Variants in PPP2R5C observed in about 807,000 individuals in gnomAD.
PPP2R5C encodes the protein protein phosphatase 2 regulatory subunit B'gamma.
A neutral mutation model predicts 68.9 loss-of-function variants in PPP2R5C; 7 were observed. The observed-to-expected ratio is 0.10, with a 90% CI of 0.06 to 0.19. The LOEUF is 0.19. Ranked by LOEUF, PPP2R5C falls within the 10% of genes least tolerant of loss-of-function variation. PPP2R5C has a pLI of 1.00. For synonymous variants in PPP2R5C, 210 were observed against 222.2 expected, an observed-to-expected ratio of 0.95 and a Z score of 0.49; for missense variants, 348 against 641.3, an observed-to-expected ratio of 0.54 and a Z score of 4.94.
At chr14:101,885,020 C>T (rs1253174821) in intron 5 of PPP2R5C, among the ~76,000 whole-genome samples, 3 of 152,256 alleles carry the variant, frequency 2.0e-5, no homozygotes, top group African/African-American at 7.2e-5. Flanking sequence ...GCCTCTAAGG[C>T]ATCTGACTCC....
At chr14:101,869,071 C>T (rs1052019031) in intron 2 of PPP2R5C, among the ~76,000 whole-genome samples, 8 of 152,226 alleles carry the variant, frequency 5.3e-5, no homozygotes, top group Admixed American at 1.3e-4. Context: ...CCTCCAGAAA[C>T]ATGGCTTTAT....
intron 2 of PPP2R5C, among the ~76,000 whole-genome samples, chr14:101,775,555 G>C (rs546156730): frequency 1.3e-5 from 2 of 152,270 alleles, no homozygotes; most frequent in East Asian, 3.9e-4. Flanking sequence ...TTGTCCCTGA[G>C]CGTGAGGGAC....
chr14:101,762,847 T>G (rs989494658), intron 1 of PPP2R5C, 58 bp from the exon 2 acceptor site: 67 of 1,412,218 alleles, frequency 4.7e-5, no homozygotes, highest in Non-Finnish European at 6.3e-5. Context: ...TTGGCTTATC[T>G]GATGTTTACC....
At chr14:101,821,733 A>T (rs962709444) in intron 1 of PPP2R5C, among the ~76,000 whole-genome samples, 4 of 151,928 alleles carry the variant, frequency 2.6e-5, no homozygotes, top group African/African-American at 9.7e-5. Context: ...TTTTCTGTGA[A>T]TTTGGCTTAA....
intron 3 of PPP2R5C, among the ~76,000 whole-genome samples, chr14:101,802,593 A>C (rs1018470020): frequency 1.3e-5 from 2 of 152,128 alleles, no homozygotes; most frequent in Non-Finnish European, 2.9e-5. Context: ...ATGATACCAA[A>C]AGCTCAGGCG....
At chr14:101,821,016 G>A (rs563824963) in intron 1 of PPP2R5C, 3 of 151,440 alleles carry the variant, frequency 2.0e-5, no homozygotes, top group Non-Finnish European at 2.9e-5. Flanking sequence ...AGTTTTTCTC[G>A]AATGGGCTGG....
In PPP2R5C at chr14:101,906,328, A is replaced by C. The variant is rs928016958; in HGVS notation, c.1024-74A>C. On this transcript the variant is annotated intron_variant, in intron 9 of 13. Transcript: ENST00000334743. The surrounding 1 kb of genome is among the most constrained non-coding windows in gnomAD (Gnocchi z 4.0). Reference sequence around the variant, plus strand: ...CAAGGTAGTTCATTACCCGACTCACAGGTTTAACAGCAAGGACAGCCACCT... The same window carrying C: ...CAAGGTAGTTCATTACCCGACTCACCGGTTTAACAGCAAGGACAGCCACCT... 2 of 1,464,600 alleles carry C rather than the reference A, an allele frequency of 1.4e-6. No homozygotes were observed. Among genetic ancestry groups the C allele is most frequent in the Admixed American group, 4.9e-5 (2 of 40,424 alleles). 90.7% of individuals were successfully genotyped at this position (1,464,600 alleles called of 1,614,324 possible). A position where few individuals can be genotyped will look rare whatever the true frequency, so the allele number is the denominator to read the frequency against.
At chr14:101,841,349 AGTG>A (rs1483382315) in intron 1 of PPP2R5C, among the ~76,000 whole-genome samples, 1 of 152,200 alleles carries the variant, frequency 6.6e-6, no homozygotes, top group East Asian at 1.9e-4. Flanking sequence ...CTGTGCCTTG[AGTG>A]TTTTTAGTTT....
intron 1 of PPP2R5C, chr14:101,818,633 C>CAAAA (rs34613639): frequency 6.3e-5 from 8 of 126,736 alleles, no homozygotes; most frequent in South Asian, 1.3e-4. Flanking sequence ...GACTCTGTCT[C>CAAAA]AAAAAAAAAA....
chr14:101,795,039 G>C (rs1243278647), intron 3 of PPP2R5C, among the ~76,000 whole-genome samples: 28 of 152,188 alleles, frequency 1.8e-4, no homozygotes, highest in Admixed American at 1.8e-3. Context: ...GGGCATACTT[G>C]TCTTGTTTCT....
intron 2 of PPP2R5C, among the ~76,000 whole-genome samples, chr14:101,776,865 C>T (rs1197497806): frequency 7.9e-5 from 12 of 151,300 alleles, no homozygotes; most frequent in East Asian, 1.9e-4. Flanking sequence ...TTGTAGCGTG[C>T]GTCATACCTC....
intron 1 of PPP2R5C, among the ~76,000 whole-genome samples, chr14:101,852,605 A>G (rs1349866029): frequency 6.6e-6 from 1 of 151,222 alleles, no homozygotes; most frequent in African/African-American, 2.4e-5. Context: ...AGTAGCTGGG[A>G]TTACAGGCAC....
intron 11 of PPP2R5C, among the ~76,000 whole-genome samples, 195 bp from the exon 14 acceptor site, chr14:101,912,205 AT>A (rs565895637): frequency 1.3e-5 from 2 of 152,154 alleles, no homozygotes; most frequent in Non-Finnish European, 2.9e-5. Context: ...GACATGTTAA[AT>A]TTTTTTATAT....
At chr14:101,794,194 C>T (rs1378500725) in intron 3 of PPP2R5C, among the ~76,000 whole-genome samples, 5 of 152,192 alleles carry the variant, frequency 3.3e-5, no homozygotes, top group Non-Finnish European at 7.3e-5. Context: ...AACTTCCCTG[C>T]TTCCTGTTCC....
chr14:101,778,836 G>C (rs902572495), intron 2 of PPP2R5C, among the ~76,000 whole-genome samples: 1 of 152,164 alleles, frequency 6.6e-6, no homozygotes, highest in African/African-American at 2.4e-5. Context: ...CAGCAGATTG[G>C]ATTGCTTGAG....
chr14:101,845,857 T>C (rs960629927), intron 1 of PPP2R5C, among the ~76,000 whole-genome samples: 1 of 152,214 alleles, frequency 6.6e-6, no homozygotes, highest in Non-Finnish European at 1.5e-5. Flanking sequence ...TGGAACGTTA[T>C]GGTGGACTGT....
chr14:101,906,713 C>A lies in PPP2R5C; in HGVS notation c.1151+184C>A. 1 of 730,190 alleles carries A rather than the reference C, an allele frequency of 1.4e-6. No homozygotes were observed. Among genetic ancestry groups the A allele is most frequent in the Non-Finnish European group, 2.1e-6 (1 of 467,686 alleles). 45.2% of individuals were successfully genotyped at this position (730,190 alleles called of 1,614,324 possible). A position where few individuals can be genotyped will look rare whatever the true frequency, so the allele number is the denominator to read the frequency against. On this transcript the variant is annotated intron_variant, in intron 10 of 13. Coordinates refer to ENST00000334743, the Ensembl canonical transcript of PPP2R5C. This position sits in a 1 kb window ranked among gnomAD's most constrained non-coding sequence, Gnocchi z 4.0. ...GTTTCTGTGGCCGTTGAATTTACCACCTTATACCTTCATTCCTGCCAGTAT... is the reference window on the plus strand; with the variant it reads ...GTTTCTGTGGCCGTTGAATTTACCAACTTATACCTTCATTCCTGCCAGTAT...
chr14:101,806,806 GA>G (rs1175561198), upstream of PPP2R5C, among the ~76,000 whole-genome samples: 1 of 151,734 alleles, frequency 6.6e-6, no homozygotes, highest in Non-Finnish European at 1.5e-5. Flanking sequence ...TACTGAAAAT[GA>G]AAAAAATGAG....
chr14:101,834,314 G>T (rs1321299128), intron 1 of PPP2R5C, among the ~76,000 whole-genome samples: 1 of 152,234 alleles, frequency 6.6e-6, no homozygotes, highest in Non-Finnish European at 1.5e-5. Flanking sequence ...TGGAGGTGCT[G>T]AGGTTGCAGC....
Sources: allele counts gnomAD v4.1 joint callset (sites outside exome capture counted in the v4.1 genomes callset), GRCh38; gene constraint gnomAD v4.1.1; non-coding constraint Gnocchi (gnomAD v3.1); transcripts MANE v1.5; gene names NCBI Gene and HGNC (gene_info 2026-07-23, HGNC 2026-07-21).